Variants in NAALADL2 observed in about 807,000 individuals in gnomAD.
NAALADL2 encodes N-acetylated alpha-linked acidic dipeptidase like 2, also known as inactive N-acetylated-alpha-linked acidic dipeptidase-like protein 2.
In NAALADL2, 76 loss-of-function variants were observed where a neutral mutation model predicts 87.2. That is an observed-to-expected ratio of 0.87 (90% CI 0.72 to 1.05). The LOEUF is 1.05. Ranked by LOEUF, NAALADL2 falls within the 50% of genes least tolerant of loss-of-function variation. The pLI is 0.00. For synonymous variants in NAALADL2, 354 were observed against 331.0 expected (o/e 1.07, Z -0.75); for missense variants, 1,089 against 945.8 (o/e 1.15, Z -1.99).
chr3:175,720,148 A>G (rs1001712108), intron 11 of NAALADL2, among the ~76,000 whole-genome samples: 37 of 152,218 alleles, frequency 2.4e-4, no homozygotes, highest in Non-Finnish European at 2.9e-5. Flanking sequence ...AATAAAAATT[A>G]TAAATAATGG....
chr3:175,608,404 A>T (rs948282757), intron 10 of NAALADL2, among the ~76,000 whole-genome samples: 6 of 151,632 alleles, frequency 4.0e-5, no homozygotes, highest in Non-Finnish European at 8.8e-5. Flanking sequence ...ATTTATTATA[A>T]GCAGTTTATC....
chr3:175,698,570 G>A (rs1168108890), intron 11 of NAALADL2, among the ~76,000 whole-genome samples: 1 of 148,158 alleles, frequency 6.7e-6, no homozygotes, highest in Non-Finnish European at 1.5e-5. Flanking sequence ...GATGACTGGT[G>A]CCTGGAAAGA....
At chr3:174,530,820 C>T (rs1432093920) in intron 1 of NAALADL2, among the ~76,000 whole-genome samples, 2 of 152,184 alleles carry the variant, frequency 1.3e-5, no homozygotes, top group Non-Finnish European at 2.9e-5. Flanking sequence ...CAAACTATAT[C>T]ACTGGGTGAC....
At chr3:175,093,418 A>ATATATATATATT (rs1204166370) in intron 1 of NAALADL2, among the ~76,000 whole-genome samples, 1 of 137,220 alleles carries the variant, frequency 7.3e-6, no homozygotes, top group Non-Finnish European at 1.6e-5. Flanking sequence ...TTATTTTTTT[A>ATATATATATATT]TATATATATA....
intron 2 of NAALADL2, among the ~76,000 whole-genome samples, chr3:174,621,061 C>T (rs1201744357): frequency 6.6e-6 from 1 of 151,902 alleles, no homozygotes; most frequent in Non-Finnish European, 1.5e-5. Flanking sequence ...TATAACATCT[C>T]AGCAGATGGG....
In NAALADL2 at chr3:174,818,978, A is replaced by T. The variant is rs192382995; in HGVS notation, c.-9+81232A>T. Among the ~76,000 whole-genome samples the T allele has an allele frequency of 1.4e-3, 219 of 151,734 alleles. 1 individual carries two copies. The highest frequency in any genetic ancestry group is 6.9e-3 in the Admixed American group (105 of 15,182). On this transcript the variant is annotated intron_variant, in intron 3 of 3. Transcript: ENST00000434257. Reference sequence around the variant, plus strand: ...TTCTATTTTTGTTTGTTTCTTTCTTAAAAAAGTGCCACTGAGTTAAAAAGA... The same window carrying T: ...TTCTATTTTTGTTTGTTTCTTTCTTTAAAAAGTGCCACTGAGTTAAAAAGA...
chr3:175,557,999 C>T (rs150167864), intron 9 of NAALADL2, among the ~76,000 whole-genome samples: 2,007 of 151,822 alleles, frequency 0.013, 39 homozygotes, highest in African/African-American at 0.044. Context: ...TCGAGACCAT[C>T]CTGGCTAACA....
At chr3:174,899,015 T>C (rs557889548) in intron 1 of NAALADL2, among the ~76,000 whole-genome samples, 30 of 152,280 alleles carry the variant, frequency 2.0e-4, no homozygotes, top group African/African-American at 6.5e-4. Flanking sequence ...TTTACAATTA[T>C]GGAGTTTTTA....
rs1442046561 is a variant in NAALADL2 at position 175,796,176 on chromosome 3, A to C, written c.2190-6829A>C. ...ATGGTAGCTTGCCAAAACTGTGGGG[A>C]GGGGAAGGAGAGAGAAAGCAGCATA... On this transcript the variant is annotated intron_variant, in intron 13 of 13. Coordinates refer to ENST00000454872, the MANE Select transcript of NAALADL2 (RefSeq NM_207015.3). Among the ~76,000 whole-genome samples the C allele has an allele frequency of 1.6e-4, 24 of 151,282 alleles. No individual in the cohort carries two copies. The East Asian group carries it at 4.7e-3, about 29-fold the overall frequency.
intron 5 of NAALADL2, among the ~76,000 whole-genome samples, chr3:175,425,391 A>G (rs746815790): frequency 3.3e-5 from 5 of 152,200 alleles, no homozygotes; most frequent in Non-Finnish European, 7.3e-5. Context: ...TCCTGCTACC[A>G]TCAAGCAGCA....
At chr3:175,698,927 T>C (rs2149957360) in intron 11 of NAALADL2, among the ~76,000 whole-genome samples, 1 of 151,954 alleles carries the variant, frequency 6.6e-6, no homozygotes, top group Non-Finnish European at 1.5e-5. Context: ...CACATAAAAC[T>C]ATCTAGCACT....
intron 13 of NAALADL2, among the ~76,000 whole-genome samples, chr3:175,781,732 T>TTAAG (rs1186887601): frequency 2.6e-5 from 4 of 152,026 alleles, no homozygotes; most frequent in African/African-American, 9.7e-5. Context: ...TTATTATACT[T>TTAAG]TAAGTTTTAG....
At chr3:175,424,814 A>G (rs1006940335) in intron 5 of NAALADL2, among the ~76,000 whole-genome samples, 8 of 152,096 alleles carry the variant, frequency 5.3e-5, no homozygotes, top group Non-Finnish European at 1.2e-4. Context: ...TAGAAAGGCC[A>G]AGCACTGCCA....
intron 5 of NAALADL2, among the ~76,000 whole-genome samples, chr3:175,396,101 A>G (rs1451192687): frequency 6.6e-6 from 1 of 152,230 alleles, no homozygotes; most frequent in Admixed American, 6.5e-5. Context: ...AAATCATAAA[A>G]TAAAACCCAT....
chr3:175,757,415 C>T (rs1312025626), intron 13 of NAALADL2, among the ~76,000 whole-genome samples: 1 of 152,032 alleles, frequency 6.6e-6, no homozygotes, highest in Non-Finnish European at 1.5e-5. Context: ...GTTCTGTGAT[C>T]TCACACATCA....
chr3:175,118,673 G>T (rs1478950324), intron 2 of NAALADL2, among the ~76,000 whole-genome samples: 1 of 151,718 alleles, frequency 6.6e-6, no homozygotes, highest in Non-Finnish European at 1.5e-5. Context: ...AAAAATGCAA[G>T]TTATAAAAAT....
At chr3:175,049,149 G>A (rs904284552) in intron 1 of NAALADL2, among the ~76,000 whole-genome samples, 2 of 151,974 alleles carry the variant, frequency 1.3e-5, no homozygotes, top group African/African-American at 2.4e-5. Flanking sequence ...ATCTGCCTCA[G>A]GTAATCCTGG....
chr3:175,239,226 G>A (rs1026575203), intron 3 of NAALADL2, among the ~76,000 whole-genome samples: 8 of 152,140 alleles, frequency 5.3e-5, no homozygotes, highest in Non-Finnish European at 1.2e-4. Context: ...CCTGTCAGAT[G>A]CAAAATACAT....
In NAALADL2 at chr3:174,774,073, C is replaced by T. The variant is rs957462830; in HGVS notation, c.-9+36327C>T. 2.6e-5 allele frequency among the ~76,000 whole-genome samples: 4 copies of T among 152,108 alleles called. No individual in the cohort carries two copies. In the East Asian group the frequency reaches 7.7e-4, roughly 29 times the overall value. On this transcript the variant is annotated intron_variant, in intron 3 of 3. Transcript: ENST00000434257. ...GCCTTTCCATTATCTCTCTACTGTA[C>T]TCTTTTCACTATCCCACTTTCCTTG... is the stretch of plus-strand genomic sequence containing the variant.
Sources: gnomAD v4.1 joint callset for allele counts (sites outside exome capture counted in the v4.1 genomes callset) on GRCh38, gnomAD v4.1.1 for gene constraint, MANE v1.5 for transcripts, NCBI Gene and HGNC (gene_info 2026-07-23, HGNC 2026-07-21) for gene names.